Variants in SLC25A14 observed in about 807,000 individuals in gnomAD.
SLC25A14 encodes the protein solute carrier family 25 member 14.
In SLC25A14, 8 loss-of-function variants were observed where a neutral mutation model predicts 28.1. That is an observed-to-expected ratio of 0.28 (90% CI 0.17 to 0.51). The LOEUF is 0.51. SLC25A14 is among the 20% of genes least tolerant of loss of function. SLC25A14 has a pLI of 0.97. For missense variants in SLC25A14, 135 were observed against 263.8 expected (o/e 0.51, Z 3.38); for synonymous variants, 74 against 90.6 (o/e 0.82, Z 1.04).
chrX:130,351,249 G>A (rs1177100514), intron 6 of SLC25A14, among the ~76,000 whole-genome samples: 1 of 111,733 alleles, frequency 8.9e-6, no homozygotes, highest in Non-Finnish European at 1.9e-5. Flanking sequence ...GCCAAACAGA[G>A]GGGTAAACTG....
intron 9 of SLC25A14, among the ~76,000 whole-genome samples, chrX:130,370,080 G>T (rs2034226929): frequency 2.7e-5 from 3 of 111,249 alleles, no homozygotes; most frequent in Admixed American, 9.6e-5. Context: ...TTCACATCTG[G>T]GCTTTATTTG....
chrX:130,367,746 A>G (rs2034154574), intron 9 of SLC25A14, among the ~76,000 whole-genome samples: 2 of 112,409 alleles, frequency 1.8e-5, no homozygotes, highest in Middle Eastern at 4.6e-3. Flanking sequence ...GCATTTGACA[A>G]TTACTGGTGT....
rs1451544191 is a variant in SLC25A14 at position 130,373,233 on chromosome X, T to C, written c.*283T>C. 2 of 291,756 alleles carry C rather than the reference T, an allele frequency of 6.9e-6. No homozygotes were observed. The highest frequency in any genetic ancestry group is 1.2e-5 in the Non-Finnish European group (2 of 171,116). 24.0% of individuals were successfully genotyped at this position (291,756 alleles called of 1,213,427 possible). A position where few individuals can be genotyped will look rare whatever the true frequency, so the allele number is the denominator to read the frequency against. ...GGGTGACATTGAAAACGGCCTGCTT[T>C]CCAAATGTGGTTAAATGTAATTGGT... is the stretch of plus-strand genomic sequence containing the variant. On this transcript the variant is annotated 3_prime_UTR_variant, in exon 11 of 11. Transcript: ENST00000545805.
chrX:130,371,412 G>T, intron 9 of SLC25A14, 152 bp from the exon 10 acceptor site: 1 of 417,095 alleles, frequency 2.4e-6, no homozygotes, highest in Non-Finnish European at 4.3e-6. Context: ...TTAAGTGGGT[G>T]GATGGATTTA....
intron 6 of SLC25A14, among the ~76,000 whole-genome samples, chrX:130,357,450 T>C (rs2033827804): frequency 8.9e-6 from 1 of 112,056 alleles, no homozygotes; most frequent in Admixed American, 9.5e-5. Flanking sequence ...AGAAAAGTAC[T>C]TCACTTGCCT....
At chrX:130,365,428 A>G in intron 8 of SLC25A14, 113 bp from the exon 9 acceptor site, 1 of 1,062,083 alleles carries the variant, frequency 9.4e-7, no homozygotes, top group Admixed American at 3.5e-5. Flanking sequence ...GCCAAGTGCC[A>G]GGTTTTATCT....
At chrX:130,364,895 C>T (rs1225404291) in intron 8 of SLC25A14, 143 bp downstream of exon 8, 17 of 1,052,236 alleles carry the variant, frequency 1.6e-5, no homozygotes, top group Non-Finnish European at 2.1e-5. Context: ...AACTTCAAGC[C>T]TTATGAACAC....
chrX:130,350,790 G>C, intron 6 of SLC25A14, 59 bp downstream of exon 6: 2 of 708,053 alleles, frequency 2.8e-6, no homozygotes, highest in South Asian at 5.5e-5. Flanking sequence ...TTTGGGTTCA[G>C]ATTCCCACTC....
At chrX:130,342,676 G>T (rs776069329) in intron 2 of SLC25A14, among the ~76,000 whole-genome samples, 2 of 110,417 alleles carry the variant, frequency 1.8e-5, no homozygotes, top group East Asian at 5.7e-4. Flanking sequence ...ACTATCAGAT[G>T]GGGGTAGGGA....
At chrX:130,356,352 G>A (rs763905441) in intron 6 of SLC25A14, among the ~76,000 whole-genome samples, 153 of 105,543 alleles carry the variant, frequency 1.4e-3, no homozygotes, top group African/African-American at 5.1e-3. Flanking sequence ...TCAGCCTCTC[G>A]AGTAGCTGGG....
intron 2 of SLC25A14, among the ~76,000 whole-genome samples, chrX:130,342,448 T>C (rs2033289523): frequency 8.9e-6 from 1 of 111,827 alleles, no homozygotes; most frequent in African/African-American, 3.3e-5. Flanking sequence ...ACATGAGATG[T>C]AAGAGAACAT....
At chrX:130,372,217 G>A (rs1233470099) in intron 10 of SLC25A14, among the ~76,000 whole-genome samples, 1 of 111,759 alleles carries the variant, frequency 8.9e-6, no homozygotes, top group African/African-American at 3.3e-5. Flanking sequence ...TGTAGACAGA[G>A]AGAGGGTATC....
Position 130,343,562 on chromosome X carries a change from C to T in SLC25A14, c.76-1620C>T, listed in dbSNP as rs192280207. Among the ~76,000 whole-genome samples, 3 of 111,227 alleles carry T rather than the reference C, an allele frequency of 2.7e-5. No homozygotes were observed. In the East Asian group the frequency reaches 8.4e-4, roughly 31 times the overall value. On this transcript the variant is annotated intron_variant, in intron 2 of 10. Transcript: ENST00000545805. ...GCCTGTAACTAAAACATTTAATCAG[C>T]GTGTTTGCTATCTTCTCTGGAAAAT...
intron 6 of SLC25A14, among the ~76,000 whole-genome samples, chrX:130,356,951 A>G (rs752358962): frequency 2.7e-5 from 3 of 111,757 alleles, no homozygotes; most frequent in Non-Finnish European, 3.8e-5. Flanking sequence ...ACCCATCTCC[A>G]GATGAAGCTG....
chrX:130,358,617 A>T (rs771945348), intron 6 of SLC25A14, 23 bp from the exon 7 acceptor site: 11 of 1,003,741 alleles, frequency 1.1e-5, no homozygotes, highest in South Asian at 2.0e-5. Flanking sequence ...ACAAAATAAG[A>T]TGTTCACCTC....
At chrX:130,340,588 C>G (rs1603253892) in intron 2 of SLC25A14, among the ~76,000 whole-genome samples, 1 of 111,097 alleles carries the variant, frequency 9.0e-6, no homozygotes, top group South Asian at 3.8e-4. Context: ...GTTGTTTTTC[C>G]CCCCAGCCTA....
rs935944922 is a variant in SLC25A14, at chrX:130,344,556, T to C, written c.76-626T>C. On this transcript the variant is annotated intron_variant, in intron 2 of 10. Transcript: ENST00000545805. ...AGGAAGGAAAAGGAGATCCACTAGA[T>C]GGATGTACGTTAAATGTCAGAGGGA... Among the ~76,000 whole-genome samples, 4 of 111,194 alleles carry C rather than the reference T, an allele frequency of 3.6e-5. No homozygotes were observed. The South Asian group carries it at 1.5e-3, about 42-fold the overall frequency.
rs2034072858 is a variant in SLC25A14 at position 130,364,766 on chromosome X, G to A, written c.719+14G>A. On this transcript the variant is annotated intron_variant, in intron 8 of 10. Coordinates refer to ENST00000545805, the MANE Select transcript of SLC25A14 (RefSeq NM_001282195.2). ...AACTCACTTCGTGTAAGTAGGATGG[G>A]ATGTGCTCATTTTATTTCCAGCATT... The A allele has an allele frequency of 1.7e-6, 2 of 1,199,808 alleles. No homozygotes were observed. The highest frequency in any genetic ancestry group is 6.0e-5 in the East Asian group (2 of 33,179).
Position 130,372,901 on chromosome X carries a change from C to T in SLC25A14, c.937-8C>T. ...CAACCTGGTGATCTTCCTTGACTTA[C>T]TCCTCAGTTTTTTATTACATACGAG... On this transcript the variant is annotated splice_polypyrimidine_tract_variant and splice_region_variant and intron_variant, in intron 10 of 10. Transcript: ENST00000545805. The T allele has an allele frequency of 8.6e-7, 1 of 1,169,134 alleles. No homozygotes were observed.
Sources: gnomAD v4.1 joint callset for allele counts (sites outside exome capture counted in the v4.1 genomes callset) on GRCh38, gnomAD v4.1.1 for gene constraint, MANE v1.5 for transcripts, NCBI Gene and HGNC (gene_info 2026-07-23, HGNC 2026-07-21) for gene names.